Variants in DIP2C observed in about 807,000 individuals in gnomAD.
The protein encoded by DIP2C is DIP2 acetate--CoA ligase C (putative), also known as disco-interacting protein 2 homolog C.
A neutral mutation model predicts 192.4 loss-of-function variants in DIP2C; 33 were observed. The ratio of observed to expected loss-of-function variants is 0.17; its 90% CI spans 0.13 to 0.23. DIP2C has a LOEUF of 0.23. Among genes scored for constraint, DIP2C ranks in the 10% least tolerant of loss-of-function variants. The probability of loss-of-function intolerance (pLI) is 1.00; values close to 1 mark genes in which losing one functional copy is unlikely to be tolerated. For missense variants in DIP2C, 1,537 were observed against 2,110.1 expected (o/e 0.73, Z 5.32); for synonymous variants, 979 against 864.1 (o/e 1.13, Z -2.33).
intron 29 of DIP2C, among the ~76,000 whole-genome samples, chr10:337,694 CTGTG>C (rs1290027375): frequency 1.9e-5 from 1 of 53,562 alleles, no homozygotes; most frequent in Admixed American, 2.0e-4. Context: ...GCCTAGGCAG[CTGTG>C]TGTGTGTTGT....
At chr10:505,931 G>C (rs1379455217) in intron 1 of DIP2C, among the ~76,000 whole-genome samples, 1 of 152,212 alleles carries the variant, frequency 6.6e-6, no homozygotes. Context: ...CCCTTTCAGA[G>C]GTAACAGGAC....
intron 8 of DIP2C, among the ~76,000 whole-genome samples, chr10:409,578 C>T (rs1387985714): frequency 4.6e-5 from 7 of 152,198 alleles, no homozygotes; most frequent in South Asian, 2.1e-4. Flanking sequence ...ACAGAAACCG[C>T]GGGGAAGGTT....
chr10:493,338 A>T (rs1051742342), intron 1 of DIP2C, among the ~76,000 whole-genome samples: 6 of 152,258 alleles, frequency 3.9e-5, no homozygotes, highest in Non-Finnish European at 1.5e-5. Flanking sequence ...ACTATGCCGT[A>T]TTAAACACAG....
intron 1 of DIP2C, among the ~76,000 whole-genome samples, chr10:498,135 G>A (rs1844976806): frequency 6.6e-6 from 1 of 152,140 alleles, no homozygotes; most frequent in African/African-American, 2.4e-5. Context: ...CAAAGTGCTG[G>A]GATTACAGGC....
chr10:574,478 C>T (rs112900596), intron 1 of DIP2C, among the ~76,000 whole-genome samples: 4,432 of 152,270 alleles, frequency 0.029, 221 homozygotes, highest in African/African-American at 0.1. Flanking sequence ...CGTGTGACAA[C>T]GGAAGGACTC....
In DIP2C at chr10:548,911, C is replaced by CAAAAAAAAAAA. The variant is rs61437915; in HGVS notation, c.86-62392_86-62382dup. 5.7e-3 allele frequency among the ~76,000 whole-genome samples: 151 copies of CAAAAAAAAAAA among 26,390 alleles called. 3 individuals carry two copies. The highest frequency in any genetic ancestry group is 0.015 in the African/African-American group (108 of 7,382). 17.3% of individuals were successfully genotyped at this position (26,390 alleles called of 152,430 possible). A position where few individuals can be genotyped will look rare whatever the true frequency, so the allele number is the denominator to read the frequency against. ...CATTGCAGGAAAAAATAGCAGCTCA[C>CAAAAAAAAAAA]AAAAAAAAAAAAAAAAAAAAAAAAA... On this transcript the variant is annotated intron_variant, in intron 1 of 36. Transcript: ENST00000280886.
At chr10:425,426 C>T (rs1299018985) in intron 4 of DIP2C, among the ~76,000 whole-genome samples, 3 of 147,472 alleles carry the variant, frequency 2.0e-5, no homozygotes, top group African/African-American at 5.1e-5. Flanking sequence ...GCATGACCAG[C>T]AGTGACTAAT....
intron 3 of DIP2C, among the ~76,000 whole-genome samples, chr10:441,847 C>G (rs12570675): frequency 0.036 from 5,498 of 152,216 alleles, 188 homozygotes; most frequent in African/African-American, 0.088. Context: ...AGTGCCTCCT[C>G]TGTAAGTCCC....
At chr10:497,071 C>G (rs1374723501) in intron 1 of DIP2C, among the ~76,000 whole-genome samples, 1 of 152,172 alleles carries the variant, frequency 6.6e-6, no homozygotes, top group East Asian at 1.9e-4. Context: ...TTGCAGTGAG[C>G]TGAGATCGTG....
intron 29 of DIP2C, among the ~76,000 whole-genome samples, chr10:337,271 T>C (rs1335801678): frequency 6.9e-6 from 1 of 144,352 alleles, no homozygotes; most frequent in Non-Finnish European, 1.5e-5. Flanking sequence ...TAGGCTGATG[T>C]GTGTGTGTGT....
Position 369,996 on chromosome 10 carries a change from ACGG to A in DIP2C, c.1992-366_1992-364del, listed in dbSNP as rs1476953848. On this transcript the variant is annotated intron_variant, in intron 17 of 36. Coordinates refer to ENST00000280886, the MANE Select transcript of DIP2C (RefSeq NM_014974.3). The stretch of plus-strand genomic sequence containing the variant: ...TTTCCTCCCGGCTCCTGCTCACTCC[ACGG>A]TCTGCTCTTCTAGTTTTGCAAATGT... The A allele has an allele frequency of 6.1e-6, 6 of 984,944 alleles. No homozygotes were observed. In the Admixed American group the frequency reaches 3.7e-4, roughly 61 times the overall value. The allele number at this position is 984,944 out of a possible 1,614,324, so 61.0% of individuals were successfully genotyped here.
chr10:584,742 T>C (rs1378893350), intron 1 of DIP2C, among the ~76,000 whole-genome samples: 1 of 70,930 alleles, frequency 1.4e-5, no homozygotes, highest in Non-Finnish European at 2.6e-5. Context: ...GCGCATCACC[T>C]CTCAGATAAT....
intron 1 of DIP2C, among the ~76,000 whole-genome samples, chr10:495,483 T>TCC (rs1844761182): frequency 6.6e-6 from 1 of 151,822 alleles, no homozygotes; most frequent in Admixed American, 6.6e-5. Context: ...CTGAAATCCT[T>TCC]CCCCTCCTCC....
At chr10:404,018 G>T (rs908472243) in intron 9 of DIP2C, among the ~76,000 whole-genome samples, 4 of 141,316 alleles carry the variant, frequency 2.8e-5, no homozygotes, top group Non-Finnish European at 4.6e-5. Flanking sequence ...TTTTACATGT[G>T]TGGTAGCATT....
At chr10:329,926 A>G (rs1381142867) in intron 29 of DIP2C, among the ~76,000 whole-genome samples, 4 of 152,208 alleles carry the variant, frequency 2.6e-5, no homozygotes, top group Non-Finnish European at 5.9e-5. Context: ...CTTAGTAGAA[A>G]ACACAGGGAT....
At chr10:370,652 G>A (rs1029324120) in intron 17 of DIP2C, among the ~76,000 whole-genome samples, 4 of 152,198 alleles carry the variant, frequency 2.6e-5, no homozygotes, top group South Asian at 2.1e-4. Context: ...CTAAGATCAC[G>A]GATTACATTC....
chr10:646,603 A>G (rs901239013), intron 1 of DIP2C, among the ~76,000 whole-genome samples: 1 of 152,266 alleles, frequency 6.6e-6, no homozygotes, highest in African/African-American at 2.4e-5. Context: ...AATTAATTTT[A>G]TAACACTTGG....
At chr10:564,148 A>G (rs1849346912) in intron 1 of DIP2C, among the ~76,000 whole-genome samples, 1 of 152,208 alleles carries the variant, frequency 6.6e-6, no homozygotes, top group Non-Finnish European at 1.5e-5. Context: ...CTGTGAGAAT[A>G]TAAAGTGTCT....
chr10:404,271 C>T (rs1269902490), intron 9 of DIP2C, among the ~76,000 whole-genome samples: 1 of 150,788 alleles, frequency 6.6e-6, no homozygotes, highest in Non-Finnish European at 1.5e-5. Context: ...TACAGTAGTG[C>T]AATCTCGGCT....
Sources: gnomAD v4.1 joint callset for allele counts (sites outside exome capture counted in the v4.1 genomes callset) on GRCh38, gnomAD v4.1.1 for gene constraint, MANE v1.5 for transcripts, NCBI Gene and HGNC (gene_info 2026-07-23, HGNC 2026-07-21) for gene names.